The following PEMT variants were observed in gnomAD, a reference collection of about 807,000 sequenced individuals.
PEMT encodes phosphatidylethanolamine N-methyltransferase.
A neutral mutation model predicts 27.4 loss-of-function variants in PEMT; 23 were observed. The ratio of observed to expected loss-of-function variants is 0.84; its 90% CI spans 0.60 to 1.19. The LOEUF (loss-of-function observed/expected upper bound fraction) is 1.19, where lower values mean the gene tolerates loss of function less well. Among genes scored for constraint, PEMT ranks in the 50% most tolerant of loss-of-function variants. The pLI, the probability that PEMT is intolerant of heterozygous loss-of-function variation, is 0.00. For missense variants in PEMT, 307 were observed against 310.1 expected, an observed-to-expected ratio of 0.99 and a Z score of 0.07; for synonymous variants, 137 against 139.1, an observed-to-expected ratio of 0.98 and a Z score of 0.11.
intron 1 of PEMT, among the ~76,000 whole-genome samples, chr17:17,585,492 G>A (rs1393934029): frequency 1.3e-5 from 2 of 152,224 alleles, no homozygotes; most frequent in African/African-American, 4.8e-5. Flanking sequence ...CAAGAAGGCT[G>A]CTGGAGCTGG....
chr17:17,507,330 C>A, intron 5 of PEMT: 1 of 715,684 alleles, frequency 1.4e-6, no homozygotes, highest in South Asian at 1.6e-5. Flanking sequence ...TGCCCCTGTG[C>A]CAAGCTGCCC....
At chr17:17,506,349 A>G in intron 5 of PEMT, 48 bp from the exon 6 acceptor site, 1 of 1,406,916 alleles carries the variant, frequency 7.1e-7, no homozygotes. Context: ...AGGGTCTCTC[A>G]GGGCCACGGC....
chr17:17,515,130 C>T lies in PEMT; in HGVS notation c.321-2476G>A, dbSNP rs114727915. On this transcript the variant is annotated intron_variant, in intron 3 of 6. Coordinates refer to ENST00000255389, the MANE Select transcript of PEMT (RefSeq NM_148172.3). ...GGGTCACTCTGGACGGAGACTCTGT[C>T]GCTCTTACCCCCTCCTGCGGAGACC... is the stretch of plus-strand genomic sequence containing the variant. Among the ~76,000 whole-genome samples the T allele has an allele frequency of 3.9e-3, 587 of 152,286 alleles. 3 individuals carry two copies. Among genetic ancestry groups the T allele is most frequent in the African/African-American group, 0.013 (557 of 41,566 alleles).
At chr17:17,514,171 C>T (rs975453553) in intron 3 of PEMT, among the ~76,000 whole-genome samples, 3 of 152,232 alleles carry the variant, frequency 2.0e-5, no homozygotes, top group Admixed American at 6.5e-5. Context: ...TTCATCCACT[C>T]GTTCCATTCA....
intron 1 of PEMT, among the ~76,000 whole-genome samples, chr17:17,579,729 G>A (rs946366521): frequency 6.6e-6 from 1 of 152,206 alleles, no homozygotes; most frequent in Non-Finnish European, 1.5e-5. Flanking sequence ...AGGGATGAAT[G>A]AGCTGACATA....
intron 3 of PEMT, among the ~76,000 whole-genome samples, chr17:17,518,438 T>A (rs1907009791): frequency 6.6e-6 from 1 of 152,098 alleles, no homozygotes; most frequent in African/African-American, 2.4e-5. Context: ...TCCTCCCCAT[T>A]CACACTCCAC....
chr17:17,517,960 C>T lies in PEMT; in HGVS notation c.320+4320G>A, dbSNP rs977189673. On this transcript the variant is annotated intron_variant, in intron 3 of 6. Coordinates refer to ENST00000255389, the MANE Select transcript of PEMT (RefSeq NM_148172.3). ...CTGCCCCTCCAGGTGCCTCCTAGCC[C>T]AGCCTGGGAATACCTCCAGGTTGAG... 31 of 985,442 alleles carry T rather than the reference C, an allele frequency of 3.1e-5. No individual in the cohort carries two copies. In the African/African-American group the frequency reaches 5.1e-4, roughly 16 times the overall value. 61.0% of individuals were successfully genotyped at this position (985,442 alleles called of 1,614,324 possible). A position where few individuals can be genotyped will look rare whatever the true frequency, so the allele number is the denominator to read the frequency against.
At chr17:17,515,141 C>G (rs1035979803) in intron 3 of PEMT, among the ~76,000 whole-genome samples, 9 of 152,192 alleles carry the variant, frequency 5.9e-5, no homozygotes, top group African/African-American at 2.2e-4. Flanking sequence ...GCTCTTACCC[C>G]CTCCTGCGGA....
At chr17:17,518,164 C>A (rs144051160) in intron 3 of PEMT, 4 of 985,364 alleles carry the variant, frequency 4.1e-6, no homozygotes, top group Non-Finnish European at 3.6e-6. Flanking sequence ...GACTGGTGAA[C>A]GACACCAGGA....
chr17:17,514,013 T>G (rs1031942279), intron 3 of PEMT, among the ~76,000 whole-genome samples: 3 of 152,108 alleles, frequency 2.0e-5, no homozygotes, highest in Admixed American at 2.0e-4. Context: ...CCATCTATCC[T>G]CTATGCACCC....
At chr17:17,506,411 G>A (rs1348881827) in intron 5 of PEMT, 110 bp from the exon 6 acceptor site, 14 of 750,908 alleles carry the variant, frequency 1.9e-5, no homozygotes, top group African/African-American at 7.1e-5. Flanking sequence ...TCCGGCCGAC[G>A]CTGGGCCACT....
intron 1 of PEMT, among the ~76,000 whole-genome samples, chr17:17,583,393 T>C (rs565599863): frequency 2.6e-5 from 4 of 152,084 alleles, no homozygotes; most frequent in African/African-American, 9.7e-5. Flanking sequence ...TAAAATAAAA[T>C]AAAAATATTT....
chr17:17,524,108 C>T (rs1023633576), intron 2 of PEMT, among the ~76,000 whole-genome samples: 2 of 152,184 alleles, frequency 1.3e-5, no homozygotes, highest in East Asian at 1.9e-4. Flanking sequence ...TTCCCTCTTA[C>T]GGCTGAATAC....
At chr17:17,540,690 A>G (rs1336109451) in intron 2 of PEMT, among the ~76,000 whole-genome samples, 1 of 152,066 alleles carries the variant, frequency 6.6e-6, no homozygotes, top group Non-Finnish European at 1.5e-5. Context: ...CCCGCAGCAC[A>G]GCCCACTTCT....
intron 2 of PEMT, among the ~76,000 whole-genome samples, chr17:17,558,782 G>A (rs1910258072): frequency 6.6e-6 from 1 of 151,256 alleles, no homozygotes; most frequent in Admixed American, 6.6e-5. Flanking sequence ...TAGGCCTCAG[G>A]TGCTCCATGT....
At chr17:17,587,769 G>A (rs1340944116) in intron 1 of PEMT, among the ~76,000 whole-genome samples, 4 of 152,110 alleles carry the variant, frequency 2.6e-5, no homozygotes, top group Admixed American at 6.6e-5. Flanking sequence ...CCAGCTACTC[G>A]GGAGCCTGAG....
At chr17:17,552,052 A>C (rs1257274375) in intron 2 of PEMT, among the ~76,000 whole-genome samples, 1 of 152,196 alleles carries the variant, frequency 6.6e-6, no homozygotes, top group Non-Finnish European at 1.5e-5. Context: ...AAATACAAAA[A>C]TTAGTCAGGC....
chr17:17,522,258 C>T, intron 3 of PEMT, 22 bp downstream of exon 3: 2 of 1,557,214 alleles, frequency 1.3e-6, no homozygotes, highest in South Asian at 2.2e-5. Context: ...TTGTGGCTCC[C>T]CAGTGAGAGA....
chr17:17,536,991 A>G (rs550583874), intron 2 of PEMT, among the ~76,000 whole-genome samples: 20 of 152,344 alleles, frequency 1.3e-4, no homozygotes, highest in African/African-American at 4.6e-4. Flanking sequence ...TCAGCAGGTA[A>G]GACGGCCTCA....
Sources: gnomAD v4.1 joint callset for allele counts (sites outside exome capture counted in the v4.1 genomes callset) on GRCh38, gnomAD v4.1.1 for gene constraint, MANE v1.5 for transcripts, NCBI Gene and HGNC (gene_info 2026-07-23, HGNC 2026-07-21) for gene names.